The following ACSL3 variants were observed in gnomAD, a reference collection of about 807,000 sequenced individuals.
The protein encoded by ACSL3 is acyl-CoA synthetase long chain family member 3.
Under a neutral mutation model 84.7 loss-of-function variants are expected in ACSL3, and 34 were observed. The observed-to-expected ratio is 0.40, with a 90% CI of 0.31 to 0.53. ACSL3 has a LOEUF of 0.53. ACSL3 is among the 20% of genes least tolerant of loss of function. ACSL3 has a pLI of 0.48. For synonymous variants in ACSL3, 315 were observed against 299.4 expected (o/e 1.05, Z -0.54); for missense variants, 680 against 873.1 (o/e 0.78, Z 2.79).
At position 222,887,845 on chromosome 2, in the gene ACSL3, C is replaced by T. The variant is rs1481524519; in HGVS notation, c.-191C>T. 2 of 151,990 alleles carry T rather than the reference C, an allele frequency of 1.3e-5. No homozygotes were observed. Among genetic ancestry groups the T allele is most frequent in the South Asian group, 2.1e-4 (1 of 4,814 alleles). The allele number at this position is 151,990 out of a possible 1,614,324, so 9.4% of individuals were successfully genotyped here. On this transcript the variant is annotated 5_prime_UTR_variant, in exon 2 of 17. Transcript: ENST00000357430. Reference sequence around the variant, plus strand: ...GTTTTGACAGGTTTTGACACAAGGGCGCATATCTTCAAAGCACCTAGTACC... The same window carrying T: ...GTTTTGACAGGTTTTGACACAAGGGTGCATATCTTCAAAGCACCTAGTACC...
intron 9 of ACSL3, 87 bp from the exon 10 acceptor site, chr2:222,922,990 AT>A: frequency 7.4e-7 from 1 of 1,348,968 alleles, no homozygotes; most frequent in Non-Finnish European, 1.0e-6. Flanking sequence ...CATTAAAATA[AT>A]TTATAATAGG....
At chr2:222,924,647 T>TATCAA in intron 11 of ACSL3, 52 bp downstream of exon 11, 1 of 1,467,844 alleles carries the variant, frequency 6.8e-7, no homozygotes, top group African/African-American at 1.4e-5. Context: ...ATTTAATCAT[T>TATCAA]TAGTTCACAT....
At position 222,921,123 on chromosome 2, in the gene ACSL3, G is replaced by A. The variant is rs578027648; in HGVS notation, c.806-157G>A. ...ATATCTCCCATACGTGCAGGGACTT[G>A]ATCTGTTTTGTTGATCTCAGTATAA... On this transcript the variant is annotated intron_variant, in intron 7 of 16. Coordinates refer to ENST00000357430, the MANE Select transcript of ACSL3 (RefSeq NM_004457.5). 3.7e-6 allele frequency: 3 copies of A among 803,488 alleles called. No individual in the cohort carries two copies. The Admixed American group carries it at 6.1e-5, about 16-fold the overall frequency. 49.8% of individuals were successfully genotyped at this position (803,488 alleles called of 1,614,324 possible).
At chr2:222,905,384 C>T (rs1409177087) in intron 3 of ACSL3, among the ~76,000 whole-genome samples, 1 of 152,214 alleles carries the variant, frequency 6.6e-6, no homozygotes, top group Non-Finnish European at 1.5e-5. Flanking sequence ...TGGTCTTGAA[C>T]TGCTGGGCTC....
chr2:222,877,447 G>C (rs1198816535), intron 1 of ACSL3, among the ~76,000 whole-genome samples: 1 of 152,144 alleles, frequency 6.6e-6, no homozygotes, highest in Non-Finnish European at 1.5e-5. Context: ...CTTTGGTATT[G>C]AGAATGAAAA....
intron 2 of ACSL3, among the ~76,000 whole-genome samples, chr2:222,896,936 T>C (rs1368512046): frequency 8.3e-5 from 1 of 12,030 alleles, no homozygotes; most frequent in Non-Finnish European, 1.2e-4. Context: ...CTGACCCCCC[T>C]CCCCCCTCCC....
At chr2:222,893,627 C>G (rs775544195) in intron 2 of ACSL3, among the ~76,000 whole-genome samples, 3 of 152,126 alleles carry the variant, frequency 2.0e-5, no homozygotes, top group Non-Finnish European at 2.9e-5. Context: ...CTGTTTTTCT[C>G]TTAGGAAAAC....
rs1455952933 is a variant in ACSL3, at chr2:222,924,498, A to C, written c.1195A>C (p.Ser399Arg). ...RIYKNVMNKV[S>R]EMSSFQRNLF... is the part of the protein sequence containing the mutation. ...CTACAAAAATGTCATGAATAAAGTC[A>C]GTGAAATGAGTAGTTTTCAACGTAA... The change falls in exon 11 of 17, where the codon AGT (serine) becomes CGT (arginine). Residue 399 changes from serine to arginine, a missense_variant. Ser to Arg is a moderately radical substitution (Grantham distance 110). Coordinates refer to ENST00000357430, the MANE Select transcript of ACSL3 (RefSeq NM_004457.5). 2.3e-5 allele frequency: 37 copies of C among 1,609,156 alleles called. 1 individual carries two copies. The Admixed American group carries it at 6.2e-4, about 27-fold the overall frequency.
intron 16 of ACSL3, among the ~76,000 whole-genome samples, chr2:222,936,285 T>G (rs1356320336): frequency 2.6e-5 from 4 of 152,180 alleles, no homozygotes; most frequent in Admixed American, 2.6e-4. Context: ...ATGAGATTGT[T>G]AGATCCTATG....
chr2:222,942,554 A>C lies in ACSL3; in HGVS notation c.*900A>C, dbSNP rs1015292487. On this transcript the variant is annotated 3_prime_UTR_variant, in exon 17 of 17. Transcript: ENST00000357430. The stretch of plus-strand genomic sequence containing the variant: ...TGAATATTTCGTTGACTATATGTAC[A>C]TTGAGTTATCTATATTTGTAAACAA... 5.1e-6 allele frequency: 1 copy of C among 195,626 alleles called. No homozygotes were observed. The highest frequency in any genetic ancestry group is 2.3e-5 in the African/African-American group (1 of 43,312). The allele number at this position is 195,626 out of a possible 1,614,324, so 12.1% of individuals were successfully genotyped here.
At chr2:222,887,013 A>G (rs1284949125) in intron 1 of ACSL3, among the ~76,000 whole-genome samples, 5 of 152,230 alleles carry the variant, frequency 3.3e-5, no homozygotes, top group Admixed American at 2.6e-4. Context: ...GATGACATGT[A>G]TCTACCGTTA....
At chr2:222,926,324 A>G (rs1372434748) in intron 11 of ACSL3, among the ~76,000 whole-genome samples, 1 of 152,186 alleles carries the variant, frequency 6.6e-6, no homozygotes, top group Non-Finnish European at 1.5e-5. Flanking sequence ...CCAAGGGATA[A>G]CTGTAAAAGC....
At chr2:222,894,201 C>G (rs372743732) in intron 2 of ACSL3, among the ~76,000 whole-genome samples, 1 of 152,162 alleles carries the variant, frequency 6.6e-6, no homozygotes, top group Non-Finnish European at 1.5e-5. Context: ...ACTTTACTTA[C>G]ATTTGTTTCA....
At chr2:222,878,110 C>G (rs1340387539) in intron 1 of ACSL3, among the ~76,000 whole-genome samples, 3 of 152,206 alleles carry the variant, frequency 2.0e-5, no homozygotes, top group African/African-American at 4.8e-5. Context: ...ATGAATGAAT[C>G]AGTCTCTGCA....
At chr2:222,931,339 G>T (rs1331554231) in intron 14 of ACSL3, among the ~76,000 whole-genome samples, 2 of 151,550 alleles carry the variant, frequency 1.3e-5, no homozygotes, top group Non-Finnish European at 2.9e-5. Flanking sequence ...GCATGAACCC[G>T]GGAGGCAGAG....
intron 2 of ACSL3, among the ~76,000 whole-genome samples, chr2:222,896,616 C>A (rs1407344247): frequency 2.8e-4 from 3 of 10,904 alleles, no homozygotes; most frequent in Non-Finnish European, 4.2e-4. Context: ...GCTGGCCGGG[C>A]AGAGGGGCTC....
intron 3 of ACSL3, among the ~76,000 whole-genome samples, chr2:222,906,696 TCTC>T (rs1696302400): frequency 1.3e-5 from 2 of 151,688 alleles, no homozygotes; most frequent in Non-Finnish European, 2.9e-5. Context: ...CTCACTGCAA[TCTC>T]CGCCTCCCAG....
chr2:222,869,336 T>A (rs1695237969), intron 1 of ACSL3, among the ~76,000 whole-genome samples: 1 of 152,216 alleles, frequency 6.6e-6, no homozygotes, highest in East Asian at 1.9e-4. Flanking sequence ...GTTAGTTGCT[T>A]CCTTCATCTC....
At chr2:222,938,164 A>G (rs901549930) in intron 16 of ACSL3, among the ~76,000 whole-genome samples, 2 of 152,248 alleles carry the variant, frequency 1.3e-5, no homozygotes, top group Middle Eastern at 3.4e-3. Flanking sequence ...TTTGTTTTTT[A>G]AATTCTATAC....
Sources: gnomAD v4.1 joint callset for allele counts (sites outside exome capture counted in the v4.1 genomes callset) on GRCh38, gnomAD v4.1.1 for gene constraint, MANE v1.5 for transcripts, NCBI Gene and HGNC (gene_info 2026-07-23, HGNC 2026-07-21) for gene names.